The following CTSK variants were observed in gnomAD, a reference collection of about 807,000 sequenced individuals.
The protein encoded by CTSK is cathepsin O.
A neutral mutation model predicts 40.5 loss-of-function variants in CTSK; 26 were observed. The observed-to-expected ratio is 0.64, with a 90% CI of 0.47 to 0.89. CTSK has a LOEUF of 0.89. Ranked by LOEUF, CTSK falls within the 40% of genes least tolerant of loss-of-function variation. The pLI is 0.00. For missense variants in CTSK, 292 were observed against 400.1 expected, an observed-to-expected ratio of 0.73 and a Z score of 2.30; for synonymous variants, 132 against 143.2, an observed-to-expected ratio of 0.92 and a Z score of 0.56.
At position 150,796,669 on chromosome 1, in the gene CTSK, A is replaced by T. The variant is rs1316192189; in HGVS notation, c.*130T>A. ...ATTTGAAGCACAAACAAATGGGGAAACTGAACAGACAATCTCAGTATCACC... is the reference window on the plus strand; with the variant it reads ...ATTTGAAGCACAAACAAATGGGGAATCTGAACAGACAATCTCAGTATCACC... On this transcript the variant is annotated 3_prime_UTR_variant, in exon 8 of 8. Coordinates refer to ENST00000271651, the MANE Select transcript of CTSK (RefSeq NM_000396.4). The T allele has an allele frequency of 2.1e-5, 17 of 795,630 alleles. No homozygotes were observed. The highest frequency in any genetic ancestry group is 3.6e-5 in the Non-Finnish European group (16 of 438,652). 49.3% of individuals were successfully genotyped at this position (795,630 alleles called of 1,614,324 possible). A position where few individuals can be genotyped will look rare whatever the true frequency, so the allele number is the denominator to read the frequency against.
intron 1 of CTSK, among the ~76,000 whole-genome samples, chr1:150,807,094 A>T (rs866307088): frequency 0.013 from 1,977 of 148,652 alleles, 51 homozygotes; most frequent in African/African-American, 0.047. Flanking sequence ...ACACACACAC[A>T]CACACACACA....
intron 7 of CTSK, among the ~76,000 whole-genome samples, 176 bp downstream of exon 7, chr1:150,798,992 A>G (rs1571123143): frequency 6.6e-6 from 1 of 152,166 alleles, no homozygotes; most frequent in Non-Finnish European, 1.5e-5. Flanking sequence ...GGACTAACAC[A>G]CTGGCCATTA....
rs766190350 is a variant in CTSK, at chr1:150,799,156, T to C, written c.890+12A>G. On this transcript the variant is annotated intron_variant, in intron 7 of 7. Coordinates refer to ENST00000271651, the MANE Select transcript of CTSK (RefSeq NM_000396.4). The stretch of plus-strand genomic sequence containing the variant: ...GGTGACTGAATAACAAAAGTAGTGT[T>C]CCCATCATTACCTGTTTTTAATTAT... 3.3e-6 allele frequency: 5 copies of C among 1,534,624 alleles called. No homozygotes were observed. The Admixed American group carries it at 8.3e-5, about 26-fold the overall frequency.
rs201185711 is a variant in CTSK at position 150,796,757 on chromosome 1, G to A, written c.*42C>T. 5.8e-6 allele frequency: 8 copies of A among 1,378,898 alleles called. No individual in the cohort carries two copies. Among genetic ancestry groups the A allele is most frequent in the African/African-American group, 1.4e-5 (1 of 70,416 alleles). 85.4% of individuals were successfully genotyped at this position (1,378,898 alleles called of 1,614,324 possible). The stretch of plus-strand genomic sequence containing the variant: ...AAGTGCATCGTTACACTGCACCATC[G>A]TGGAAGAAATGGAAGAGCAGGATGG... On this transcript the variant is annotated 3_prime_UTR_variant, in exon 8 of 8. Coordinates refer to ENST00000271651, the MANE Select transcript of CTSK (RefSeq NM_000396.4).
chr1:150,802,515 C>T (rs1357082535), intron 5 of CTSK, among the ~76,000 whole-genome samples: 2 of 152,130 alleles, frequency 1.3e-5, no homozygotes, highest in African/African-American at 4.8e-5. Flanking sequence ...AACTCCCAGG[C>T]TCAAGTTGTC....
chr1:150,805,794 C>T, intron 4 of CTSK, 67 bp downstream of exon 4: 1 of 1,560,558 alleles, frequency 6.4e-7, no homozygotes, highest in Non-Finnish European at 8.8e-7. Context: ...ACCTCAAGAA[C>T]AAAGCAGCAG....
rs781761916 is a variant in CTSK, at chr1:150,806,149, G to A, written c.196C>T (p.Leu66Phe). 6.2e-7 allele frequency: 1 copy of A among 1,614,186 alleles called. No homozygotes were observed. The highest frequency in any genetic ancestry group is 1.1e-5 in the South Asian group (1 of 91,082). Residue 66 changes from leucine (L) to phenylalanine (F), a missense_variant, in exon 3 of 8, where the codon CTT (leucine) becomes TTT (phenylalanine). By Grantham distance (22) the Leu-to-Phe change is conservative. Transcript: ENST00000271651. ...YISIHNLEAS[L>F]GVHTYELAMN... ...GCCAGTTCATATGTATGGACACCAAGAGAAGCCTCAAGGTTATGGATGGAA... is the reference window on the plus strand; with the variant it reads ...GCCAGTTCATATGTATGGACACCAAAAGAAGCCTCAAGGTTATGGATGGAA...
intron 5 of CTSK, among the ~76,000 whole-genome samples, chr1:150,801,234 C>T (rs1157592910): frequency 2.0e-5 from 3 of 152,128 alleles, no homozygotes; most frequent in South Asian, 2.1e-4. Flanking sequence ...TCGAGCAATT[C>T]TCCTGCCTCA....
At position 150,806,822 on chromosome 1, in the gene CTSK, G is replaced by C; in HGVS notation, c.-1-16C>G. 1 of 1,613,114 alleles carries C rather than the reference G, an allele frequency of 6.2e-7. No individual in the cohort carries two copies. Among genetic ancestry groups the C allele is most frequent in the Non-Finnish European group, 8.5e-7 (1 of 1,180,004 alleles). ...CCCCCACATCCTGCAGAAGAATGTA[G>C]TTAGGGAAAACTCTTCCATTTGGCA... On this transcript the variant is annotated splice_polypyrimidine_tract_variant and intron_variant, in intron 1 of 7. Transcript: ENST00000271651.
intron 2 of CTSK, 128 bp downstream of exon 2, chr1:150,806,558 T>A (rs1654096169): frequency 8.3e-7 from 1 of 1,200,800 alleles, no homozygotes. Context: ...TATGTTAACA[T>A]GAGTTAGGGA....
chr1:150,805,725 C>A, intron 4 of CTSK, 136 bp downstream of exon 4: 11 of 701,554 alleles, frequency 1.6e-5, no homozygotes, highest in Non-Finnish European at 2.0e-5. Context: ...GGTTAAATAA[C>A]AGAATGGGAA....
chr1:150,796,670 C>A lies in CTSK; in HGVS notation c.*129G>T. On this transcript the variant is annotated 3_prime_UTR_variant, in exon 8 of 8. Coordinates refer to ENST00000271651, the MANE Select transcript of CTSK (RefSeq NM_000396.4). ...TTTGAAGCACAAACAAATGGGGAAACTGAACAGACAATCTCAGTATCACCA... is the reference window on the plus strand; with the variant it reads ...TTTGAAGCACAAACAAATGGGGAAAATGAACAGACAATCTCAGTATCACCA... 1 of 797,318 alleles carries A rather than the reference C, an allele frequency of 1.3e-6. No homozygotes were observed. The highest frequency in any genetic ancestry group is 2.3e-6 in the Non-Finnish European group (1 of 439,948). The allele number at this position is 797,318 out of a possible 1,614,324, so 49.4% of individuals were successfully genotyped here.
At position 150,806,784 on chromosome 1, in the gene CTSK, G is replaced by A. The variant is rs138360770; in HGVS notation, c.22C>T (p.Leu8=). 96 of 1,613,888 alleles carry A rather than the reference G, an allele frequency of 5.9e-5. No individual in the cohort carries two copies. Among genetic ancestry groups the A allele is most frequent in the Non-Finnish European group, 6.8e-6 (8 of 1,180,040 alleles). MWGLKVL[L]LPVVSFALYP... is the part of the protein sequence containing the mutation. Reference sequence around the variant, plus strand: ...AGAGCAAAGCTCACCACAGGTAGCAGCAGAACCTTGAGCCCCCACATCCTG... The same window carrying A: ...AGAGCAAAGCTCACCACAGGTAGCAACAGAACCTTGAGCCCCCACATCCTG... Residue 8 remains leucine (L), a synonymous_variant, in exon 2 of 8, where the codon CTG becomes TTG. Transcript: ENST00000271651.
intron 5 of CTSK, among the ~76,000 whole-genome samples, chr1:150,799,976 C>T (rs1004934021): frequency 2.0e-5 from 3 of 151,964 alleles, no homozygotes; most frequent in African/African-American, 7.3e-5. Context: ...GAGGGTGGAT[C>T]ACGAGGTCAG....
At chr1:150,799,831 T>G in intron 5 of CTSK, 122 bp from the exon 6 acceptor site, 3 of 942,136 alleles carry the variant, frequency 3.2e-6, no homozygotes, top group Non-Finnish European at 5.1e-6. Context: ...AGTCTAGGGT[T>G]TCTAGAGAGG....
intron 5 of CTSK, among the ~76,000 whole-genome samples, chr1:150,802,757 G>A (rs1654016796): frequency 6.6e-6 from 1 of 151,984 alleles, no homozygotes; most frequent in African/African-American, 2.4e-5. Context: ...GAAATTGGTG[G>A]GCATGATGGC....
intron 1 of CTSK, among the ~76,000 whole-genome samples, chr1:150,807,050 T>A (rs866558457): frequency 7.3e-6 from 1 of 136,426 alleles, no homozygotes; most frequent in Non-Finnish European, 1.6e-5. Context: ...ACACACACTC[T>A]CTCTGTTTCT....
chr1:150,800,565 C>T (rs77443723), intron 5 of CTSK: 4 of 189,928 alleles, frequency 2.1e-5, no homozygotes, highest in Admixed American at 2.0e-4. Flanking sequence ...GTTTCATTGG[C>T]AAGCCACAAT....
At chr1:150,798,923 A>G (rs1448437306) in intron 7 of CTSK, among the ~76,000 whole-genome samples, 1 of 152,208 alleles carries the variant, frequency 6.6e-6, no homozygotes, top group Non-Finnish European at 1.5e-5. Flanking sequence ...ATAGCCAAAC[A>G]AACCTCGTTT....
Sources: allele counts gnomAD v4.1 joint callset (sites outside exome capture counted in the v4.1 genomes callset), GRCh38; gene constraint gnomAD v4.1.1; transcripts MANE v1.5; gene names NCBI Gene and HGNC (gene_info 2026-07-23, HGNC 2026-07-21).